CTNNA2: variants seen among roughly 807,000 people sequenced by gnomAD.
The protein encoded by CTNNA2 is catenin alpha-2.
In CTNNA2, 42 loss-of-function variants were observed where a neutral mutation model predicts 101.0. That is an observed-to-expected ratio of 0.42 (90% CI 0.32 to 0.54). The LOEUF (loss-of-function observed/expected upper bound fraction) is 0.54, where lower values mean the gene tolerates loss of function less well. CTNNA2 is among the 20% of genes least tolerant of loss of function. CTNNA2 has a pLI of 0.14. For missense variants in CTNNA2, 871 were observed against 1,223.1 expected, an observed-to-expected ratio of 0.71 and a Z score of 4.29; for synonymous variants, 450 against 456.4, an observed-to-expected ratio of 0.99 and a Z score of 0.18.
intron 7 of CTNNA2, among the ~76,000 whole-genome samples, chr2:80,099,728 G>C (rs1447307846): frequency 2.1e-5 from 3 of 139,834 alleles, no homozygotes; most frequent in African/African-American, 8.0e-5. Context: ...CAATTGCCAA[G>C]TTTGCTTATG....
intron 7 of CTNNA2, among the ~76,000 whole-genome samples, chr2:79,987,395 G>A (rs1691840903): frequency 6.6e-6 from 1 of 152,172 alleles, no homozygotes; most frequent in Admixed American, 6.5e-5. Flanking sequence ...AATTCAGAAA[G>A]AACTGGGTTC....
At chr2:80,168,819 T>C (rs969274451) in intron 7 of CTNNA2, among the ~76,000 whole-genome samples, 11 of 152,076 alleles carry the variant, frequency 7.2e-5, no homozygotes, top group Non-Finnish European at 1.5e-4. Flanking sequence ...GTGATTCGAA[T>C]GTATAGTAGG....
At chr2:79,887,734 A>C (rs1238668915) in intron 6 of CTNNA2, among the ~76,000 whole-genome samples, 1 of 152,162 alleles carries the variant, frequency 6.6e-6, no homozygotes, top group Non-Finnish European at 1.5e-5. Context: ...AAACTTTTCC[A>C]TCTTTAGGGC....
intron 2 of CTNNA2, among the ~76,000 whole-genome samples, chr2:79,722,529 C>T (rs201841069): frequency 2.6e-5 from 4 of 152,134 alleles, no homozygotes; most frequent in East Asian, 1.9e-4. Flanking sequence ...TCTCTGATAT[C>T]GGAGATTATC....
At chr2:79,188,032 T>C (rs919223618) in intron 1 of CTNNA2, among the ~76,000 whole-genome samples, 2 of 152,188 alleles carry the variant, frequency 1.3e-5, no homozygotes, top group African/African-American at 4.8e-5. Flanking sequence ...GATATCATAA[T>C]TTCTGAGTCC....
intron 18 of CTNNA2, among the ~76,000 whole-genome samples, chr2:80,623,645 G>A (rs913392384): frequency 1.3e-5 from 2 of 151,852 alleles, no homozygotes; most frequent in African/African-American, 4.8e-5. Flanking sequence ...AGGGGTTTGG[G>A]GGAGACTACT....
intron 6 of CTNNA2, among the ~76,000 whole-genome samples, chr2:79,879,862 A>G (rs544340600): frequency 2.6e-5 from 4 of 152,294 alleles, no homozygotes; most frequent in African/African-American, 9.6e-5. Context: ...TATATTGAAC[A>G]GGAGTGGTGA....
At chr2:80,278,739 A>G (rs569650750) in intron 7 of CTNNA2, among the ~76,000 whole-genome samples, 23 of 152,184 alleles carry the variant, frequency 1.5e-4, no homozygotes, top group African/African-American at 4.6e-4. Flanking sequence ...TCTTTCTAAA[A>G]TAGTATTTTA....
At chr2:79,221,004 CTT>C (rs1290789091) in intron 2 of CTNNA2, among the ~76,000 whole-genome samples, 1 of 152,270 alleles carries the variant, frequency 6.6e-6, no homozygotes, top group Non-Finnish European at 1.5e-5. Context: ...TGTTGGGAGA[CTT>C]TGTTAACTCA....
intron 9 of CTNNA2, among the ~76,000 whole-genome samples, chr2:80,482,120 T>C (rs1027973480): frequency 5.3e-5 from 8 of 152,182 alleles, no homozygotes; most frequent in Non-Finnish European, 8.8e-5. Flanking sequence ...ACTTCAGTCA[T>C]GTAATAGTCT....
intron 7 of CTNNA2, among the ~76,000 whole-genome samples, chr2:80,146,241 G>T (rs1703325837): frequency 6.6e-6 from 1 of 152,196 alleles, no homozygotes; most frequent in Non-Finnish European, 1.5e-5. Flanking sequence ...ATAACACGTG[G>T]AGCATAGATT....
intron 18 of CTNNA2, among the ~76,000 whole-genome samples, chr2:80,639,519 G>GTGTGTGTA (rs1553418448): frequency 8.7e-6 from 1 of 115,292 alleles, no homozygotes; most frequent in Non-Finnish European, 1.7e-5. Flanking sequence ...CTTGATGTGT[G>GTGTGTGTA]TGTGTGTGTG....
chr2:79,830,570 C>T (rs759895607), intron 3 of CTNNA2, among the ~76,000 whole-genome samples: 5 of 152,156 alleles, frequency 3.3e-5, no homozygotes, highest in Admixed American at 6.5e-5. Flanking sequence ...TCGTCATCCA[C>T]GAGCAATTAT....
intron 3 of CTNNA2, among the ~76,000 whole-genome samples, chr2:79,354,849 C>T (rs1223449866): frequency 6.6e-6 from 1 of 152,160 alleles, no homozygotes; most frequent in Non-Finnish European, 1.5e-5. Flanking sequence ...CTTCCTTCCT[C>T]TTCAATGTCA....
intron 7 of CTNNA2, among the ~76,000 whole-genome samples, chr2:79,965,688 G>T (rs1319889796): frequency 6.6e-6 from 1 of 151,900 alleles, no homozygotes; most frequent in African/African-American, 2.4e-5. Flanking sequence ...GCCAGGTGTG[G>T]TGTCGCATGC....
At chr2:79,596,317 G>A (rs1176381813) in intron 1 of CTNNA2, among the ~76,000 whole-genome samples, 1 of 152,028 alleles carries the variant, frequency 6.6e-6, no homozygotes, top group African/African-American at 2.4e-5. Context: ...CAGAGTCAAG[G>A]TAGGGAAAAT....
intron 7 of CTNNA2, among the ~76,000 whole-genome samples, chr2:80,082,629 A>G (rs1558791061): frequency 1.3e-5 from 2 of 152,278 alleles, no homozygotes; most frequent in African/African-American, 4.8e-5. Flanking sequence ...AAAATTCAAA[A>G]TAAGTGGATG....
Position 79,480,043 on chromosome 2 carries a change from T to C in CTNNA2, c.-134-25011T>C, listed in dbSNP as rs377295995. Among the ~76,000 whole-genome samples the C allele has an allele frequency of 2.6e-5, 4 of 152,140 alleles. No homozygotes were observed. The East Asian group carries it at 5.8e-4, about 22-fold the overall frequency. Reference sequence around the variant, plus strand: ...CTGGCATCTGCATCTAGAGTGGGCCTGAAGGTGCTTCCACTCATGGTGGAA... The same window carrying C: ...CTGGCATCTGCATCTAGAGTGGGCCCGAAGGTGCTTCCACTCATGGTGGAA... On this transcript the variant is annotated intron_variant, in intron 4 of 21. Coordinates refer to the CTNNA2 transcript ENST00000466387.
chr2:79,850,740 G>C (rs1408112991), intron 3 of CTNNA2, among the ~76,000 whole-genome samples: 1 of 152,136 alleles, frequency 6.6e-6, no homozygotes, highest in Non-Finnish European at 1.5e-5. Context: ...CAGATAGAAA[G>C]GGTGACAATG....
Sources: gnomAD v4.1 joint callset for allele counts (sites outside exome capture counted in the v4.1 genomes callset) on GRCh38, gnomAD v4.1.1 for gene constraint, MANE v1.5 for transcripts, NCBI Gene and HGNC (gene_info 2026-07-23, HGNC 2026-07-21) for gene names.